The following ZBTB20 variants were observed in gnomAD, a reference collection of about 807,000 sequenced individuals.
ZBTB20 encodes zinc finger and BTB domain containing 20, also known as zinc finger and BTB domain-containing protein 20.
Under a neutral mutation model 56.9 loss-of-function variants are expected in ZBTB20, and 9 were observed. The ratio of observed to expected loss-of-function variants is 0.16; its 90% confidence interval spans 0.10 to 0.28. The LOEUF (loss-of-function observed/expected upper bound fraction) is 0.28, where lower values mean the gene tolerates loss of function less well. Among genes scored for constraint, ZBTB20 ranks in the 10% least tolerant of loss-of-function variants. The pLI, the probability that ZBTB20 is intolerant of heterozygous loss-of-function variation, is 1.00. For synonymous variants in ZBTB20, 417 were observed against 420.7 expected (o/e 0.99, Z 0.11); for missense variants, 655 against 1,003.0 (o/e 0.65, Z 4.69).
intron 7 of ZBTB20, among the ~76,000 whole-genome samples, chr3:114,487,900 A>G (rs1423879061): frequency 6.6e-6 from 1 of 152,150 alleles, no homozygotes; most frequent in Non-Finnish European, 1.5e-5. Context: ...ACATCCAGAA[A>G]TCTCTATCTA....
At chr3:114,736,782 C>G (rs2066193539) in intron 5 of ZBTB20, among the ~76,000 whole-genome samples, 1 of 151,988 alleles carries the variant, frequency 6.6e-6, no homozygotes, top group African/African-American at 2.4e-5. Flanking sequence ...CACTGGAGGG[C>G]CATGAAACTT....
At chr3:115,134,753 T>C (rs1289985209) in intron 1 of ZBTB20, among the ~76,000 whole-genome samples, 1 of 152,224 alleles carries the variant, frequency 6.6e-6, no homozygotes, top group African/African-American at 2.4e-5. Context: ...TTTTCCTCTC[T>C]CACTTGCTAT....
Position 114,819,089 on chromosome 3 carries a change from A to T in ZBTB20, c.-416-17915T>A, listed in dbSNP as rs375800670. Among the ~76,000 whole-genome samples, 127 of 152,100 alleles carry T rather than the reference A, an allele frequency of 8.3e-4. 1 individual carries two copies. Among genetic ancestry groups the T allele is most frequent in the African/African-American group, 3.0e-3 (124 of 41,568 alleles). ...AGGATCATGTGGATTATAAATAGGA[A>T]GTGGCTTTTCTACCAAAGAATTATA... On this transcript the variant is annotated intron_variant, in intron 4 of 11. Transcript: ENST00000675478.
chr3:114,681,534 C>A (rs1229206734), intron 6 of ZBTB20, among the ~76,000 whole-genome samples: 1 of 152,200 alleles, frequency 6.6e-6, no homozygotes, highest in African/African-American at 2.4e-5. Context: ...ACATAAAATC[C>A]TTGGCTTTTC....
At chr3:114,410,614 C>G (rs1376333451) in intron 7 of ZBTB20, among the ~76,000 whole-genome samples, 2 of 152,114 alleles carry the variant, frequency 1.3e-5, no homozygotes, top group Admixed American at 1.3e-4. Context: ...GTGTTCACAT[C>G]AAAAAGTTTT....
At chr3:114,953,269 AT>A (rs1316325511) in intron 3 of ZBTB20, among the ~76,000 whole-genome samples, 1 of 152,032 alleles carries the variant, frequency 6.6e-6, no homozygotes, top group Non-Finnish European at 1.5e-5. Context: ...ATGCTAAAAA[AT>A]GTTCAAATAA....
intron 4 of ZBTB20, among the ~76,000 whole-genome samples, chr3:114,812,396 G>A (rs540622780): frequency 3.8e-4 from 58 of 151,988 alleles, no homozygotes; most frequent in Admixed American, 7.2e-4. Context: ...ACAGAGTGTC[G>A]ACTGGTGCAT....
intron 10 of ZBTB20, among the ~76,000 whole-genome samples, chr3:114,352,139 C>G (rs1421451116): frequency 1.3e-5 from 2 of 152,218 alleles, no homozygotes. Flanking sequence ...CCCAGAGCTT[C>G]GGCTGAGGTA....
At chr3:114,630,253 A>C (rs1204939248) in intron 6 of ZBTB20, among the ~76,000 whole-genome samples, 1 of 152,236 alleles carries the variant, frequency 6.6e-6, no homozygotes. Context: ...AGATCTAGAC[A>C]TTGTAGGACT....
At chr3:114,722,962 C>T (rs191092628) in intron 5 of ZBTB20, among the ~76,000 whole-genome samples, 35 of 152,238 alleles carry the variant, frequency 2.3e-4, no homozygotes, top group Admixed American at 5.9e-4. Flanking sequence ...CAGTTTCTTT[C>T]GTCTAAAGTC....
intron 6 of ZBTB20, among the ~76,000 whole-genome samples, chr3:114,585,566 T>C (rs1379534540): frequency 6.6e-6 from 1 of 152,212 alleles, no homozygotes; most frequent in African/African-American, 2.4e-5. Flanking sequence ...TGAAACCGTC[T>C]AATGTATTCA....
chr3:115,136,475 T>TTAAGA, intron 1 of ZBTB20, among the ~76,000 whole-genome samples: 1 of 152,118 alleles, frequency 6.6e-6, no homozygotes, highest in Non-Finnish European at 1.5e-5. Context: ...CAGTTAAGTG[T>TTAAGA]ACTATAATTC....
intron 2 of ZBTB20, among the ~76,000 whole-genome samples, chr3:115,045,554 T>C (rs2081303119): frequency 6.6e-6 from 1 of 150,976 alleles, no homozygotes; most frequent in African/African-American, 2.4e-5. Context: ...ACCTTAAGCC[T>C]CCTTAAAGAA....
chr3:114,354,234 T>C (rs1422208351), intron 10 of ZBTB20, among the ~76,000 whole-genome samples: 1 of 152,228 alleles, frequency 6.6e-6, no homozygotes, highest in Non-Finnish European at 1.5e-5. Flanking sequence ...AATTTTACTA[T>C]AACCAAGGTC....
intron 4 of ZBTB20, among the ~76,000 whole-genome samples, chr3:114,817,918 T>C (rs1007247719): frequency 2.0e-5 from 3 of 152,066 alleles, no homozygotes; most frequent in Non-Finnish European, 4.4e-5. Context: ...ATAAAATTAA[T>C]ACCAAAAAAA....
chr3:114,719,641 A>G (rs1314421667), intron 5 of ZBTB20, among the ~76,000 whole-genome samples: 1 of 152,142 alleles, frequency 6.6e-6, no homozygotes, highest in Non-Finnish European at 1.5e-5. Flanking sequence ...CACGTAAGAA[A>G]AAGTTGGAAC....
At chr3:114,889,257 T>C (rs932488575) in intron 4 of ZBTB20, among the ~76,000 whole-genome samples, 2 of 151,926 alleles carry the variant, frequency 1.3e-5, no homozygotes, top group East Asian at 3.9e-4. Context: ...AGATATTACA[T>C]GTTTAAAGCA....
rs2079440656 is a variant in ZBTB20 at position 114,335,994 on chromosome 3, G to A, written c.*3011C>T. The A allele has an allele frequency of 6.6e-6, 1 of 152,166 alleles. No individual in the cohort carries two copies. The highest frequency in any genetic ancestry group is 1.5e-5 in the Non-Finnish European group (1 of 68,028). The allele number at this position is 152,166 out of a possible 1,614,324, so 9.4% of individuals were successfully genotyped here. ...GCAAATGGGTCTCTCTCAGATTTGA[G>A]AAACAGAAAGCTACACGTGGCCCAT... On this transcript the variant is annotated 3_prime_UTR_variant, in exon 12 of 12. Coordinates refer to ENST00000675478, the MANE Select transcript of ZBTB20 (RefSeq NM_001348800.3).
chr3:114,918,489 T>C (rs919368438), intron 3 of ZBTB20, among the ~76,000 whole-genome samples: 2 of 152,052 alleles, frequency 1.3e-5, no homozygotes, highest in African/African-American at 4.8e-5. Flanking sequence ...GAAGCCAGCA[T>C]GTTTCAGAGT....
Sources: allele counts gnomAD v4.1 joint callset (sites outside exome capture counted in the v4.1 genomes callset), GRCh38; gene constraint gnomAD v4.1.1; transcripts MANE v1.5; gene names NCBI Gene and HGNC (gene_info 2026-07-23, HGNC 2026-07-21).